Variants in HYCC1 observed in about 807,000 individuals in gnomAD.
HYCC1 encodes hyccin.
At chr7:22,954,317 ATGT>A in the HYCC1 span, among the ~76,000 whole-genome samples, 1 of 151,082 alleles carries the variant, frequency 6.6e-6, no homozygotes, top group African/African-American at 2.4e-5. Context: ...TGCTTTATCA[ATGT>A]TATTATACAG....
At chr7:22,951,234 C>G in the HYCC1 span, among the ~76,000 whole-genome samples, 1 of 151,880 alleles carries the variant, frequency 6.6e-6, no homozygotes, top group East Asian at 1.9e-4. Context: ...ATGTCACTTA[C>G]AAAACCACCT....
the HYCC1 span, among the ~76,000 whole-genome samples, chr7:22,998,806 G>C: frequency 6.6e-6 from 1 of 151,932 alleles, no homozygotes; most frequent in Non-Finnish European, 1.5e-5. Flanking sequence ...CTTTTCTCCT[G>C]AACACACCAT....
chr7:22,950,589 C>T, the HYCC1 span, among the ~76,000 whole-genome samples: 3 of 151,802 alleles, frequency 2.0e-5, no homozygotes, highest in Non-Finnish European at 4.4e-5. Context: ...ATAGCTTATG[C>T]TAATAAGAAT....
the HYCC1 span, among the ~76,000 whole-genome samples, chr7:22,970,216 G>A: frequency 4.4e-5 from 6 of 137,718 alleles, no homozygotes; most frequent in Middle Eastern, 3.7e-3. Context: ...GAAATTAAAC[G>A]TTTATTCAGA....
At chr7:22,957,063 T>C in the HYCC1 span, among the ~76,000 whole-genome samples, 14 of 151,932 alleles carry the variant, frequency 9.2e-5, no homozygotes, top group Admixed American at 6.6e-5. Flanking sequence ...TATTTTAAAA[T>C]GTAAACAATT....
At chr7:22,978,427 G>A in the HYCC1 span, 9 of 1,613,838 alleles carry the variant, frequency 5.6e-6, no homozygotes, top group Non-Finnish European at 7.6e-6. Flanking sequence ...TCAAAGAGCT[G>A]GTGACAGACA....
the HYCC1 span, among the ~76,000 whole-genome samples, chr7:23,006,210 G>A: frequency 6.6e-6 from 1 of 152,228 alleles, no homozygotes; most frequent in East Asian, 1.9e-4. Context: ...TTAAAGGGAG[G>A]GAACAGAAGA....
chr7:23,012,027 A>T, the HYCC1 span, among the ~76,000 whole-genome samples: 2 of 152,180 alleles, frequency 1.3e-5, no homozygotes, highest in African/African-American at 4.8e-5. Flanking sequence ...TGTATGTTAG[A>T]TAGTAAATTC....
At chr7:22,914,310 C>T in the HYCC1 span, among the ~76,000 whole-genome samples, 1 of 152,148 alleles carries the variant, frequency 6.6e-6, no homozygotes, top group Non-Finnish European at 1.5e-5. Flanking sequence ...CCCAGGGCTG[C>T]TCACCACCCC....
chr7:22,955,895 T>C, the HYCC1 span, among the ~76,000 whole-genome samples: 1 of 151,700 alleles, frequency 6.6e-6, no homozygotes, highest in African/African-American at 2.4e-5. Context: ...AAAGCATAAT[T>C]ATAAAGAAAT....
chr7:23,002,161 TATA>T, the HYCC1 span, among the ~76,000 whole-genome samples: 5 of 60,260 alleles, frequency 8.3e-5, no homozygotes, highest in Non-Finnish European at 1.0e-4. Context: ...TATATATATA[TATA>T]TATATATATA....
the HYCC1 span, chr7:22,942,355 G>T: frequency 6.6e-6 from 1 of 152,114 alleles, no homozygotes; most frequent in East Asian, 1.9e-4. Flanking sequence ...TTGAGAGCTT[G>T]CCTTAAAAAT....
At chr7:22,976,816 A>C in the HYCC1 span, 1 of 1,548,466 alleles carries the variant, frequency 6.5e-7, no homozygotes, top group Non-Finnish European at 8.9e-7. Context: ...AGGCTAGAGA[A>C]AAGACATTTG....
the HYCC1 span, among the ~76,000 whole-genome samples, chr7:22,970,221 T>C: frequency 2.2e-5 from 3 of 137,744 alleles, no homozygotes; most frequent in Non-Finnish European, 4.9e-5. Flanking sequence ...TAAACGTTTA[T>C]TCAGAAATGC....
chr7:22,981,338 G>A, the HYCC1 span, among the ~76,000 whole-genome samples: 14 of 152,106 alleles, frequency 9.2e-5, no homozygotes, highest in African/African-American at 3.4e-4. Flanking sequence ...CAAATTTGTT[G>A]CACTTCAAAT....
At chr7:22,945,654 G>A in the HYCC1 span, 4 of 1,613,776 alleles carry the variant, frequency 2.5e-6, no homozygotes, top group Non-Finnish European at 3.4e-6. Context: ...TGCTTCATTG[G>A]AAGTTCAGTT....
the HYCC1 span, among the ~76,000 whole-genome samples, chr7:22,915,695 A>G: frequency 2.0e-5 from 3 of 151,936 alleles, no homozygotes; most frequent in Admixed American, 6.5e-5. Flanking sequence ...GAGGCTACCT[A>G]CTCTGCATTA....
At chr7:23,008,606 C>T in the HYCC1 span, among the ~76,000 whole-genome samples, 1 of 151,852 alleles carries the variant, frequency 6.6e-6, no homozygotes, top group Non-Finnish European at 1.5e-5. Context: ...TTCACAAAAC[C>T]ATTTAGTGAA....
At chr7:22,996,294 A>G in the HYCC1 span, among the ~76,000 whole-genome samples, 1 of 147,766 alleles carries the variant, frequency 6.8e-6, no homozygotes, top group Non-Finnish European at 1.5e-5. Context: ...CTCCGTCTCA[A>G]AAAAAAAAAA....
Sources: gnomAD v4.1 joint callset for allele counts (sites outside exome capture counted in the v4.1 genomes callset) on GRCh38, gnomAD v4.1.1 for gene constraint, MANE v1.5 for transcripts, NCBI Gene and HGNC (gene_info 2026-07-23, HGNC 2026-07-21) for gene names.